RGS6: variants seen among roughly 807,000 people sequenced by gnomAD.
RGS6 encodes the protein regulator of G protein signaling 6, also known as regulator of G-protein signaling 6.
Under a neutral mutation model 78.5 loss-of-function variants are expected in RGS6, and 30 were observed. The ratio of observed to expected loss-of-function variants is 0.38; its 90% CI spans 0.29 to 0.52. The LOEUF is 0.52. RGS6 is among the 20% of genes least tolerant of loss of function. RGS6 has a pLI of 0.85. For synonymous variants in RGS6, 206 were observed against 206.0 expected, an observed-to-expected ratio of 1.00 and a Z score of 0.00; for missense variants, 495 against 609.7, an observed-to-expected ratio of 0.81 and a Z score of 1.98.
intron 2 of RGS6, among the ~76,000 whole-genome samples, chr14:72,236,217 C>T (rs1240767603): frequency 6.6e-6 from 1 of 152,108 alleles, no homozygotes; most frequent in African/African-American, 2.4e-5. Flanking sequence ...TCCCCTGCAC[C>T]CATCACGTAC....
intron 2 of RGS6, among the ~76,000 whole-genome samples, chr14:72,242,418 C>G (rs187304506): frequency 1.1e-3 from 168 of 152,310 alleles, no homozygotes; most frequent in African/African-American, 3.0e-3. Flanking sequence ...CTTTCTGCAT[C>G]TCCTGCAGCT....
the RGS6 span, among the ~76,000 whole-genome samples, chr14:71,871,440 C>T: frequency 2.6e-5 from 4 of 152,198 alleles, no homozygotes; most frequent in East Asian, 7.7e-4. Flanking sequence ...TCTCTGAGGA[C>T]CTTCTCTCCT....
At chr14:71,892,516 T>C in the RGS6 span, among the ~76,000 whole-genome samples, 1 of 152,160 alleles carries the variant, frequency 6.6e-6, no homozygotes, top group African/African-American at 2.4e-5. Flanking sequence ...TCCTAATACT[T>C]GAGTAAGGAT....
At chr14:72,057,155 A>T (rs963501291) in intron 2 of RGS6, among the ~76,000 whole-genome samples, 1 of 151,898 alleles carries the variant, frequency 6.6e-6, no homozygotes, top group Non-Finnish European at 1.5e-5. Flanking sequence ...CTCTACTAAA[A>T]ATACAAAAAT....
chr14:72,307,459 A>G (rs142835198), intron 2 of RGS6, among the ~76,000 whole-genome samples: 410 of 152,218 alleles, frequency 2.7e-3, no homozygotes, highest in Middle Eastern at 6.8e-3. Flanking sequence ...TCTGGAATCT[A>G]TGCTGATATA....
At chr14:72,170,382 A>G (rs1392412328) in intron 2 of RGS6, among the ~76,000 whole-genome samples, 4 of 152,196 alleles carry the variant, frequency 2.6e-5, no homozygotes, top group Admixed American at 2.6e-4. Flanking sequence ...TGCTCTGTAA[A>G]TGTTCCTAGC....
the RGS6 span, among the ~76,000 whole-genome samples, chr14:71,895,864 C>G: frequency 5.3e-5 from 8 of 152,278 alleles, no homozygotes; most frequent in South Asian, 2.1e-4. Context: ...GTAGAGGGCT[C>G]TCACCAACCC....
chr14:72,382,326 A>G (rs2086378305), intron 3 of RGS6, among the ~76,000 whole-genome samples: 1 of 152,228 alleles, frequency 6.6e-6, no homozygotes, highest in East Asian at 1.9e-4. Context: ...TACATGACCA[A>G]TAAGCATACA....
intron 17 of RGS6, among the ~76,000 whole-genome samples, chr14:72,548,690 A>G (rs2097449589): frequency 6.6e-6 from 1 of 152,212 alleles, no homozygotes. Flanking sequence ...ACGTCGGAAG[A>G]GGCTGGAGTA....
intron 12 of RGS6, among the ~76,000 whole-genome samples, chr14:72,483,060 T>A (rs1309065457): frequency 1.3e-5 from 2 of 152,228 alleles, no homozygotes; most frequent in Non-Finnish European, 2.9e-5. Flanking sequence ...AGTTGCCAGA[T>A]AAACAAGGTC....
intron 2 of RGS6, among the ~76,000 whole-genome samples, chr14:71,994,851 G>A (rs1295649512): frequency 6.6e-6 from 1 of 152,188 alleles, no homozygotes; most frequent in African/African-American, 2.4e-5. Flanking sequence ...CTGGAACTGT[G>A]GGACGATACA....
intron 6 of RGS6, among the ~76,000 whole-genome samples, chr14:72,463,385 G>A (rs1433277477): frequency 6.6e-6 from 1 of 152,216 alleles, no homozygotes; most frequent in East Asian, 1.9e-4. Flanking sequence ...GGAGTTCTGT[G>A]CCAAGAACAG....
the RGS6 span, among the ~76,000 whole-genome samples, chr14:71,905,321 T>C: frequency 6.6e-6 from 1 of 152,210 alleles, no homozygotes. Context: ...CCTTTGAAAA[T>C]CTGAACTTAA....
intron 2 of RGS6, among the ~76,000 whole-genome samples, chr14:72,167,997 G>T (rs547505011): frequency 5.9e-5 from 9 of 152,200 alleles, no homozygotes; most frequent in Non-Finnish European, 1.2e-4. Context: ...AAGAGGGGCT[G>T]AGCAGTAATT....
chr14:72,625,331 T>C, the RGS6 span, among the ~76,000 whole-genome samples: 1 of 152,208 alleles, frequency 6.6e-6, no homozygotes, highest in Admixed American at 6.5e-5. Context: ...TATAACCTAA[T>C]AATGTCATTA....
intron 2 of RGS6, among the ~76,000 whole-genome samples, chr14:72,267,981 G>A (rs1037991077): frequency 3.3e-5 from 5 of 152,188 alleles, no homozygotes; most frequent in African/African-American, 4.8e-5. Context: ...TCACACACTC[G>A]TGTGGGTACA....
At chr14:72,540,400 GC>G in intron 17 of RGS6, 1 of 1,464,706 alleles carries the variant, frequency 6.8e-7, no homozygotes, top group Non-Finnish European at 9.0e-7. Flanking sequence ...TGCCCTCGGG[GC>G]TGTGCGGTTT....
In RGS6 at chr14:72,400,369, G is replaced by A. The variant is rs551388215; in HGVS notation, c.184+48175G>A. Among the ~76,000 whole-genome samples, 9 of 152,176 alleles carry A rather than the reference G, an allele frequency of 5.9e-5. No individual in the cohort carries two copies. The East Asian group carries it at 7.7e-4, about 13-fold the overall frequency. On this transcript the variant is annotated intron_variant, in intron 3 of 17. Transcript: ENST00000553525. ...CTTTTATATAGTATCAGTGAACTTCGAGCAATGAAAGAAGATGATTTTAAT... is the reference window on the plus strand; with the variant it reads ...CTTTTATATAGTATCAGTGAACTTCAAGCAATGAAAGAAGATGATTTTAAT...
intron 2 of RGS6, among the ~76,000 whole-genome samples, chr14:71,981,957 C>G (rs1461361194): frequency 6.6e-6 from 1 of 151,902 alleles, no homozygotes; most frequent in African/African-American, 2.4e-5. Context: ...GCGTAGGACC[C>G]TCCGAGCCAG....
Sources: gnomAD v4.1 joint callset for allele counts (sites outside exome capture counted in the v4.1 genomes callset) on GRCh38, gnomAD v4.1.1 for gene constraint, MANE v1.5 for transcripts, NCBI Gene and HGNC (gene_info 2026-07-23, HGNC 2026-07-21) for gene names.